COL6A6: variants seen among roughly 807,000 people sequenced by gnomAD.
The protein encoded by COL6A6 is collagen type VI alpha 6 chain.
A neutral mutation model predicts 208.6 loss-of-function variants in COL6A6; 183 were observed. The ratio of observed to expected loss-of-function variants is 0.88; its 90% confidence interval spans 0.78 to 0.99. COL6A6 has a LOEUF of 0.99. Ranked by LOEUF, COL6A6 falls within the 50% of genes least tolerant of loss-of-function variation. COL6A6 has a pLI of 0.00. For synonymous variants in COL6A6, 973 were observed against 1,011.8 expected, an observed-to-expected ratio of 0.96 and a Z score of 0.73; for missense variants, 2,816 against 2,815.2, an observed-to-expected ratio of 1.00 and a Z score of -0.01.
At chr3:130,566,604 T>C (rs2063028192) in intron 4 of COL6A6, 98 bp from the exon 5 acceptor site, 2 of 982,576 alleles carry the variant, frequency 2.0e-6, no homozygotes, top group African/African-American at 3.3e-5. Flanking sequence ...CCCATTTTTC[T>C]GTCTGAAGAG....
At position 130,649,636 on chromosome 3, in the gene COL6A6, G is replaced by A. The variant is rs917398083; in HGVS notation, c.5733+74G>A. 4 of 1,414,832 alleles carry A rather than the reference G, an allele frequency of 2.8e-6. No homozygotes were observed. The African/African-American group carries it at 5.8e-5, about 20-fold the overall frequency. 87.6% of individuals were successfully genotyped at this position (1,414,832 alleles called of 1,614,324 possible). A position where few individuals can be genotyped will look rare whatever the true frequency, so the allele number is the denominator to read the frequency against. On this transcript the variant is annotated intron_variant, in intron 33 of 36. Transcript: ENST00000358511. ...TATTCAGAAGCCCCTATACTACCTT[G>A]CCTTCAAAATCAGGGCCATTTGTTA...
At chr3:130,636,194 A>G (rs1303770174) in intron 28 of COL6A6, among the ~76,000 whole-genome samples, 2 of 146,824 alleles carry the variant, frequency 1.4e-5, no homozygotes, top group Non-Finnish European at 3.0e-5. Context: ...AGGTCTTCTC[A>G]TTTAGCTCAA....
chr3:130,590,262 T>C (rs2063644116), intron 12 of COL6A6, among the ~76,000 whole-genome samples: 1 of 13,382 alleles, frequency 7.5e-5, no homozygotes, highest in Non-Finnish European at 1.5e-4. Context: ...TTCATATATA[T>C]ATATATATAT....
rs116102232 is a variant in COL6A6 at position 130,657,793 on chromosome 3, G to A, written c.5734-883G>A. ...ACCTCTGTGGATTAATTATGGTGAT[G>A]GGGGATCTTCCCAGAGAAAGAGGGT... On this transcript the variant is annotated intron_variant, in intron 33 of 36. Coordinates refer to ENST00000358511, the MANE Select transcript of COL6A6 (RefSeq NM_001102608.3). 6.2e-3 allele frequency among the ~76,000 whole-genome samples: 945 copies of A among 152,294 alleles called. 9 individuals are homozygous for A. Among genetic ancestry groups the A allele is most frequent in the South Asian group, 0.018 (88 of 4,828 alleles).
intron 6 of COL6A6, among the ~76,000 whole-genome samples, chr3:130,569,630 G>A (rs1193606762): frequency 2.6e-5 from 4 of 152,172 alleles, no homozygotes. Context: ...AGTACACCTG[G>A]TTTCTATTTC....
intron 1 of COL6A6, among the ~76,000 whole-genome samples, chr3:130,545,417 A>G (rs1005270056): frequency 6.6e-6 from 1 of 151,052 alleles, no homozygotes; most frequent in African/African-American, 2.4e-5. Flanking sequence ...CATTGCTCCA[A>G]GTGAGGGTTT....
At chr3:130,656,382 GACAGGGTCT>G in intron 33 of COL6A6, among the ~76,000 whole-genome samples, 1 of 150,622 alleles carries the variant, frequency 6.6e-6, no homozygotes, top group East Asian at 1.9e-4. Flanking sequence ...CCTCTCTGCA[GACAGGGTCT>G]CCTGATGAGT....
intron 3 of COL6A6, among the ~76,000 whole-genome samples, chr3:130,564,025 C>T (rs1037795090): frequency 6.6e-6 from 1 of 152,176 alleles, no homozygotes; most frequent in Non-Finnish European, 1.5e-5. Flanking sequence ...TAAAGAAATT[C>T]TTGACTCTTA....
intron 23 of COL6A6, among the ~76,000 whole-genome samples, chr3:130,620,218 A>G (rs573504595): frequency 6.6e-6 from 1 of 152,074 alleles, no homozygotes; most frequent in African/African-American, 2.4e-5. Flanking sequence ...TGTATTTAGG[A>G]GTCATTGTGT....
rs557294703 is a variant in COL6A6, at chr3:130,661,487, T to A, written c.5831-150T>A. On this transcript the variant is annotated intron_variant, in intron 34 of 36. Transcript: ENST00000358511. ...ACTTTTGGGGGACAGATGCAAACCA[T>A]GTACTAGGAAATCTTCCTGTTACTA... 5.3e-5 allele frequency: 34 copies of A among 639,520 alleles called. No homozygotes were observed. In the South Asian group the frequency reaches 8.2e-4, roughly 15 times the overall value. 39.6% of individuals were successfully genotyped at this position (639,520 alleles called of 1,614,324 possible).
At position 130,649,096 on chromosome 3, in the gene COL6A6, C is replaced by T. The variant is rs2065545496; in HGVS notation, c.5267C>T (p.Thr1756Ile). Residue 1756 changes from threonine (T) to isoleucine (I), a missense_variant, in exon 33 of 37, where the codon ACC (threonine) becomes ATC (isoleucine). Coordinates refer to ENST00000358511, the MANE Select transcript of COL6A6 (RefSeq NM_001102608.3). The stretch of plus-strand genomic sequence containing the variant: ...AAACCGGAATGCCCAGTGCACCCAA[C>T]CGAGTTGGTGTTTGCCCTGGACCAC... ...HGKPECPVHPTELVFALDHSR... is the reference protein window; with the variant it reads ...HGKPECPVHPIELVFALDHSR... 6.4e-7 allele frequency: 1 copy of T among 1,573,388 alleles called. No individual in the cohort carries two copies. Among genetic ancestry groups the T allele is most frequent in the South Asian group, 1.2e-5 (1 of 85,622 alleles).
chr3:130,573,938 TC>T lies in COL6A6; in HGVS notation c.2978-16del, dbSNP rs1195567359. 3.3e-6 allele frequency: 5 copies of T among 1,530,858 alleles called. No homozygotes were observed. Among genetic ancestry groups the T allele is most frequent in the Non-Finnish European group, 4.5e-6 (5 of 1,109,254 alleles). 94.8% of individuals were successfully genotyped at this position (1,530,858 alleles called of 1,614,324 possible). A position where few individuals can be genotyped will look rare whatever the true frequency, so the allele number is the denominator to read the frequency against. ...AATAACAATCTGGGTTTTCTGTTGT[TC>T]CTTCTCTTCTTTGTAGATTGTGAAA... On this transcript the variant is annotated splice_polypyrimidine_tract_variant and intron_variant, in intron 7 of 36. Transcript: ENST00000358511.
At chr3:130,543,244 G>T (rs1290512050) in intron 1 of COL6A6, among the ~76,000 whole-genome samples, 1 of 151,998 alleles carries the variant, frequency 6.6e-6, no homozygotes, top group Non-Finnish European at 1.5e-5. Context: ...ATTTAAAGTG[G>T]GCTTCCTGTG....
At chr3:130,642,691 C>G in intron 29 of COL6A6, 141 bp from the exon 30 acceptor site, 1 of 667,902 alleles carries the variant, frequency 1.5e-6, no homozygotes. Flanking sequence ...GAGTACCTAC[C>G]TGCATTCTTT....
At chr3:130,544,056 A>G (rs2062437151) in intron 1 of COL6A6, among the ~76,000 whole-genome samples, 1 of 152,220 alleles carries the variant, frequency 6.6e-6, no homozygotes, top group African/African-American at 2.4e-5. Flanking sequence ...TGTGACTACA[A>G]TAGTATATTA....
chr3:130,674,138 C>T (rs934848166), intron 36 of COL6A6, among the ~76,000 whole-genome samples: 1 of 152,220 alleles, frequency 6.6e-6, no homozygotes, highest in Admixed American at 6.5e-5. Context: ...GAACCCAAAA[C>T]TCTTTCCACA....
At chr3:130,539,700 A>G (rs58359852) in intron 1 of COL6A6, among the ~76,000 whole-genome samples, 12,149 of 152,114 alleles carry the variant, frequency 0.08, 1,563 homozygotes, top group African/African-American at 0.27. Context: ...ATGAAAAATT[A>G]TGGGCTCAAG....
intron 1 of COL6A6, among the ~76,000 whole-genome samples, chr3:130,557,072 AC>A (rs1015777899): frequency 1.3e-5 from 2 of 152,060 alleles, no homozygotes; most frequent in African/African-American, 4.8e-5. Flanking sequence ...GAGATTAGGA[AC>A]CTAGGTGATG....
In COL6A6 at chr3:130,653,201, G is replaced by T. The variant is rs2065694791; in HGVS notation, c.5733+3639G>T. On this transcript the variant is annotated intron_variant, in intron 33 of 36. Coordinates refer to ENST00000358511, the MANE Select transcript of COL6A6 (RefSeq NM_001102608.3). ...TGCACATTGAGGCTTCTAATCTAGG[G>T]TGAATCTCCCTTTCCAATATTTTGA... 2.0e-5 allele frequency among the ~76,000 whole-genome samples: 3 copies of T among 152,136 alleles called. No individual in the cohort carries two copies. In the South Asian group the frequency reaches 6.2e-4, roughly 31 times the overall value.
Sources: gnomAD v4.1 joint callset for allele counts (sites outside exome capture counted in the v4.1 genomes callset) on GRCh38, gnomAD v4.1.1 for gene constraint, MANE v1.5 for transcripts, NCBI Gene and HGNC (gene_info 2026-07-23, HGNC 2026-07-21) for gene names.